ADAMTS6: variants seen among roughly 807,000 people sequenced by gnomAD.
ADAMTS6 encodes A disintegrin and metalloproteinase with thrombospondin motifs 6.
Under a neutral mutation model 144.3 loss-of-function variants are expected in ADAMTS6, and 23 were observed. That is an observed-to-expected ratio of 0.16 (90% CI 0.11 to 0.23). The LOEUF (loss-of-function observed/expected upper bound fraction) is 0.23, where lower values mean the gene tolerates loss of function less well. Ranked by LOEUF, ADAMTS6 falls within the 10% of genes least tolerant of loss-of-function variation. The pLI, the probability that ADAMTS6 is intolerant of heterozygous loss-of-function variation, is 1.00. For synonymous variants in ADAMTS6, 444 were observed against 457.5 expected (o/e 0.97, Z 0.38); for missense variants, 999 against 1,379.6 (o/e 0.72, Z 4.37).
intron 7 of ADAMTS6, among the ~76,000 whole-genome samples, chr5:65,344,549 AT>A (rs1230751076): frequency 6.6e-6 from 1 of 151,908 alleles, no homozygotes; most frequent in Admixed American, 6.6e-5. Context: ...TAATTGAAGA[AT>A]TCTCTATTGT....
intron 12 of ADAMTS6, among the ~76,000 whole-genome samples, chr5:65,272,135 C>T (rs568032208): frequency 7.9e-5 from 12 of 152,254 alleles, no homozygotes; most frequent in Middle Eastern, 3.4e-3. Flanking sequence ...TTCTTTTTTA[C>T]TTAAACATCA....
intron 7 of ADAMTS6, among the ~76,000 whole-genome samples, chr5:65,448,217 A>G (rs1758433934): frequency 6.6e-6 from 1 of 152,008 alleles, no homozygotes; most frequent in Non-Finnish European, 1.5e-5. Flanking sequence ...AAATTCCTTT[A>G]TTTTCTTCCT....
chr5:65,368,724 T>C (rs753877375), intron 7 of ADAMTS6, among the ~76,000 whole-genome samples: 83 of 152,130 alleles, frequency 5.5e-4, no homozygotes, highest in Non-Finnish European at 1.1e-3. Context: ...CACCTGCCCT[T>C]GGACTGGCTA....
intron 11 of ADAMTS6, among the ~76,000 whole-genome samples, chr5:65,279,709 T>C (rs1257966756): frequency 6.6e-6 from 1 of 152,208 alleles, no homozygotes; most frequent in African/African-American, 2.4e-5. Context: ...AAACTATTAG[T>C]TATTATCTCT....
intron 8 of ADAMTS6, among the ~76,000 whole-genome samples, chr5:65,331,482 A>G (rs1046362439): frequency 6.6e-6 from 1 of 152,118 alleles, no homozygotes. Flanking sequence ...TACTTATTGA[A>G]ATATAAAGCT....
chr5:65,479,159 T>C (rs895269407), intron 1 of ADAMTS6, among the ~76,000 whole-genome samples: 2 of 152,208 alleles, frequency 1.3e-5, no homozygotes, highest in African/African-American at 4.8e-5. Context: ...GAAACAACAA[T>C]ACCATGCTCC....
At chr5:65,360,258 C>A (rs1285955041) in intron 7 of ADAMTS6, among the ~76,000 whole-genome samples, 1 of 152,086 alleles carries the variant, frequency 6.6e-6, no homozygotes, top group Non-Finnish European at 1.5e-5. Context: ...GTGCTACACA[C>A]TTTTAAACAA....
At chr5:65,345,290 T>A (rs1748214290) in intron 7 of ADAMTS6, among the ~76,000 whole-genome samples, 1 of 151,618 alleles carries the variant, frequency 6.6e-6, no homozygotes, top group Non-Finnish European at 1.5e-5. Context: ...CTAAAATGTG[T>A]AAGAAACCAC....
intron 9 of ADAMTS6, among the ~76,000 whole-genome samples, chr5:65,328,575 T>C (rs866579990): frequency 1.3e-5 from 2 of 152,024 alleles, no homozygotes; most frequent in African/African-American, 2.4e-5. Context: ...AGCTCGTTTG[T>C]TTAGTTTTTA....
At chr5:65,157,785 T>C (rs1230173503) in intron 24 of ADAMTS6, among the ~76,000 whole-genome samples, 4 of 152,172 alleles carry the variant, frequency 2.6e-5, no homozygotes, top group African/African-American at 9.7e-5. Flanking sequence ...CCTAATAAAG[T>C]TGTACTTGAC....
chr5:65,313,128 AACACAC>A (rs61525269), intron 9 of ADAMTS6, among the ~76,000 whole-genome samples: 8,544 of 135,728 alleles, frequency 0.063, 330 homozygotes, highest in African/African-American at 0.086. Context: ...TTATTTCTGC[AACACAC>A]ACACACACAC....
chr5:65,216,952 A>G (rs1465899834), intron 18 of ADAMTS6, among the ~76,000 whole-genome samples: 1 of 152,144 alleles, frequency 6.6e-6, no homozygotes, highest in African/African-American at 2.4e-5. Context: ...GATTCGTCAG[A>G]CCTGATAAAC....
chr5:65,371,749 C>G (rs1750942730), intron 7 of ADAMTS6, among the ~76,000 whole-genome samples: 1 of 152,100 alleles, frequency 6.6e-6, no homozygotes, highest in African/African-American at 2.4e-5. Flanking sequence ...GGCCAACATT[C>G]AGATGCAGGA....
intron 20 of ADAMTS6, among the ~76,000 whole-genome samples, chr5:65,197,824 T>C (rs1755484679): frequency 6.6e-6 from 1 of 152,178 alleles, no homozygotes; most frequent in African/African-American, 2.4e-5. Flanking sequence ...CAAATATTAA[T>C]TTATCTCATT....
chr5:65,259,419 A>T (rs1760972796), intron 14 of ADAMTS6, among the ~76,000 whole-genome samples: 1 of 150,210 alleles, frequency 6.7e-6, no homozygotes, highest in Non-Finnish European at 1.5e-5. Context: ...CAAAAAGAGT[A>T]GGAGCCAATG....
At chr5:65,250,773 G>A (rs1036360999) in intron 14 of ADAMTS6, among the ~76,000 whole-genome samples, 9 of 152,094 alleles carry the variant, frequency 5.9e-5, no homozygotes, top group African/African-American at 1.9e-4. Context: ...AGATCATTTT[G>A]TTTTTGGAAA....
intron 7 of ADAMTS6, among the ~76,000 whole-genome samples, chr5:65,337,644 T>C (rs957158411): frequency 1.3e-5 from 2 of 152,164 alleles, no homozygotes; most frequent in African/African-American, 4.8e-5. Flanking sequence ...CCATCTTATA[T>C]TTAAATATCA....
intron 7 of ADAMTS6, among the ~76,000 whole-genome samples, chr5:65,373,521 A>C (rs1247880882): frequency 2.0e-5 from 3 of 151,408 alleles, no homozygotes; most frequent in Non-Finnish European, 4.4e-5. Flanking sequence ...AAATGGATAA[A>C]TTCCTCGACA....
chr5:65,212,423 C>CTT (rs397881866), intron 20 of ADAMTS6, among the ~76,000 whole-genome samples: 6,131 of 107,768 alleles, frequency 0.057, 206 homozygotes, highest in Non-Finnish European at 0.068. Flanking sequence ...TTTTCTCTCT[C>CTT]TTTTTTTTTT....
Sources: gnomAD v4.1 joint callset for allele counts (sites outside exome capture counted in the v4.1 genomes callset) on GRCh38, gnomAD v4.1.1 for gene constraint, MANE v1.5 for transcripts, NCBI Gene and HGNC (gene_info 2026-07-23, HGNC 2026-07-21) for gene names.